Variants in CSPP1 observed in about 807,000 individuals in gnomAD.
CSPP1 encodes centrosome and spindle pole-associated protein 1.
CSPP1 carries 126 observed loss-of-function variants against 164.4 expected under a neutral mutation model. The observed-to-expected ratio is 0.77, with a 90% confidence interval of 0.66 to 0.89. The LOEUF (loss-of-function observed/expected upper bound fraction) is 0.89. Among genes scored for constraint, CSPP1 ranks in the 40% least tolerant of loss-of-function variants. CSPP1 has a pLI of 0.00. For synonymous variants in CSPP1, 472 were observed against 476.7 expected (o/e 0.99, Z 0.13); for missense variants, 1,395 against 1,449.8 (o/e 0.96, Z 0.61).
intron 15 of CSPP1, among the ~76,000 whole-genome samples, chr8:67,128,526 T>C (rs2168542): frequency 0.13 from 18,067 of 142,016 alleles, 2,183 homozygotes; most frequent in African/African-American, 0.32. Flanking sequence ...GCGACTAGAG[T>C]GAGACTCCAT....
At chr8:67,164,984 G>T (rs759635092) in intron 24 of CSPP1, among the ~76,000 whole-genome samples, 1 of 152,072 alleles carries the variant, frequency 6.6e-6, no homozygotes, top group Non-Finnish European at 1.5e-5. Context: ...GGGTAATTTT[G>T]ATTATAAAAA....
intron 28 of CSPP1, among the ~76,000 whole-genome samples, chr8:67,183,843 AT>A (rs918103972): frequency 0.019 from 2,046 of 108,186 alleles, 21 homozygotes; most frequent in African/African-American, 0.046. Context: ...AAAATTGGGA[AT>A]TTTTTTTTTT....
intron 2 of CSPP1, among the ~76,000 whole-genome samples, chr8:67,075,920 G>A (rs910152530): frequency 6.6e-6 from 1 of 152,082 alleles, no homozygotes; most frequent in African/African-American, 2.4e-5. Context: ...ACCAGCTTAC[G>A]GCTTTGGAGT....
chr8:67,152,637 G>A (rs1238842705), intron 18 of CSPP1, among the ~76,000 whole-genome samples: 3 of 152,214 alleles, frequency 2.0e-5, no homozygotes, highest in Admixed American at 6.5e-5. Context: ...TGAGCATCAC[G>A]GTGAAACATG....
chr8:67,096,529 C>T (rs1220743116), intron 7 of CSPP1, among the ~76,000 whole-genome samples: 1 of 147,180 alleles, frequency 6.8e-6, no homozygotes, highest in Admixed American at 6.7e-5. Context: ...CACGCCACTG[C>T]GCTCCAGCCT....
intron 1 of CSPP1, among the ~76,000 whole-genome samples, chr8:67,068,619 G>A (rs1806069768): frequency 6.6e-6 from 1 of 152,188 alleles, no homozygotes; most frequent in East Asian, 1.9e-4. Flanking sequence ...GAATAATTGT[G>A]TAGTTGAAAT....
intron 6 of CSPP1, 39 bp downstream of exon 6, chr8:67,093,680 C>A: frequency 1.9e-6 from 2 of 1,076,350 alleles, no homozygotes; most frequent in Non-Finnish European, 2.8e-6. Flanking sequence ...ACTACTACTA[C>A]CACAGGTTGA....
intron 28 of CSPP1, among the ~76,000 whole-genome samples, chr8:67,185,691 G>A (rs1483475483): frequency 6.6e-6 from 1 of 152,192 alleles, no homozygotes; most frequent in East Asian, 1.9e-4. Flanking sequence ...GGAGGTGGTA[G>A]CAAGGTTCCA....
chr8:67,167,404 A>T (rs1432767452), intron 24 of CSPP1, among the ~76,000 whole-genome samples: 1 of 144,526 alleles, frequency 6.9e-6, no homozygotes, highest in Non-Finnish European at 1.5e-5. Context: ...GCTGCCCCCC[A>T]CCTCCCTCCT....
intron 17 of CSPP1, among the ~76,000 whole-genome samples, chr8:67,144,517 G>A (rs1444974450): frequency 2.6e-5 from 4 of 152,122 alleles, no homozygotes; most frequent in African/African-American, 9.7e-5. Context: ...ACGGCTCACT[G>A]TAGCCTCGAC....
chr8:67,195,316 ACCTGCG>A, intron 30 of CSPP1, 60 bp from the exon 31 acceptor site: 2 of 932,006 alleles, frequency 2.1e-6, no homozygotes, highest in Non-Finnish European at 3.6e-6. Context: ...ACTACAAGAG[ACCTGCG>A]CTTATGTCTC....
At chr8:67,176,286 T>TAAA (rs1180787667) in intron 26 of CSPP1, among the ~76,000 whole-genome samples, 1 of 152,176 alleles carries the variant, frequency 6.6e-6, no homozygotes, top group Non-Finnish European at 1.5e-5. Flanking sequence ...TCCTGCTAGT[T>TAAA]ATTTTTAAGA....
chr8:67,085,635 C>G (rs892101818), intron 3 of CSPP1, among the ~76,000 whole-genome samples: 1 of 152,000 alleles, frequency 6.6e-6, no homozygotes, highest in African/African-American at 2.4e-5. Context: ...CAATGCTGGA[C>G]TACTTGTCTT....
At chr8:67,159,938 C>T (rs1186532472) in intron 21 of CSPP1, among the ~76,000 whole-genome samples, 3 of 40,610 alleles carry the variant, frequency 7.4e-5, no homozygotes, top group East Asian at 7.0e-4. Context: ...TCCTTCCTTC[C>T]TTCCTTCCTT....
At chr8:67,161,274 G>A (rs1828289528) in intron 21 of CSPP1, among the ~76,000 whole-genome samples, 1 of 152,088 alleles carries the variant, frequency 6.6e-6, no homozygotes. Flanking sequence ...ATCCTCTACA[G>A]GGATTTAGAA....
At chr8:67,123,933 G>A (rs1193099622) in intron 15 of CSPP1, among the ~76,000 whole-genome samples, 1 of 126,800 alleles carries the variant, frequency 7.9e-6, no homozygotes, top group African/African-American at 3.1e-5. Flanking sequence ...ACGCAGTCTC[G>A]CTGTTGCCCA....
At position 67,193,410 on chromosome 8, in the gene CSPP1, T is replaced by C. The variant is rs555059215; in HGVS notation, c.3331-54T>C. 15 of 1,540,262 alleles carry C rather than the reference T, an allele frequency of 9.7e-6. No individual in the cohort carries two copies. In the African/African-American group the frequency reaches 1.4e-4, roughly 14 times the overall value. ...CCATGCCTGGCCCTGATTCACTGAT[T>C]TGTGAACATATTTTGTGTTAATGAC... is the stretch of plus-strand genomic sequence containing the variant. On this transcript the variant is annotated intron_variant, in intron 29 of 30. Coordinates refer to ENST00000678616, the MANE Select transcript of CSPP1 (RefSeq NM_001382391.1).
intron 3 of CSPP1, among the ~76,000 whole-genome samples, chr8:67,078,246 A>G (rs754199880): frequency 4.6e-5 from 7 of 152,182 alleles, no homozygotes; most frequent in Non-Finnish European, 8.8e-5. Context: ...ATCTTATGAC[A>G]TCTATCTCAA....
At chr8:67,109,208 A>C (rs113140222) in intron 9 of CSPP1, among the ~76,000 whole-genome samples, 97 of 152,244 alleles carry the variant, frequency 6.4e-4, no homozygotes, top group African/African-American at 2.1e-3. Context: ...TTGTTGGCAG[A>C]ATTCATTTCT....
Sources: gnomAD v4.1 joint callset for allele counts (sites outside exome capture counted in the v4.1 genomes callset) on GRCh38, gnomAD v4.1.1 for gene constraint, MANE v1.5 for transcripts, NCBI Gene and HGNC (gene_info 2026-07-23, HGNC 2026-07-21) for gene names.